CEP85L: variants seen among roughly 807,000 people sequenced by gnomAD.
The protein encoded by CEP85L is centrosomal protein 85L, also known as centrosomal protein of 85 kDa-like.
Under a neutral mutation model 100.3 loss-of-function variants are expected in CEP85L, and 60 were observed. The ratio of observed to expected loss-of-function variants is 0.60; its 90% CI spans 0.49 to 0.74. The LOEUF (loss-of-function observed/expected upper bound fraction) is 0.74, where lower values mean the gene tolerates loss of function less well. Ranked by LOEUF, CEP85L falls within the 30% of genes least tolerant of loss-of-function variation. The pLI is 0.00. For synonymous variants in CEP85L, 319 were observed against 322.7 expected, an observed-to-expected ratio of 0.99 and a Z score of 0.12; for missense variants, 973 against 936.2, an observed-to-expected ratio of 1.04 and a Z score of -0.51.
chr6:118,678,320 A>C (rs1277293060), intron 1 of CEP85L, among the ~76,000 whole-genome samples: 2 of 152,192 alleles, frequency 1.3e-5, no homozygotes, highest in African/African-American at 4.8e-5. Flanking sequence ...CATGCATTGG[A>C]TGCAAGATGT....
chr6:118,536,588 C>T (rs1045194615), intron 3 of CEP85L, among the ~76,000 whole-genome samples: 14 of 152,066 alleles, frequency 9.2e-5, no homozygotes, highest in African/African-American at 3.1e-4. Flanking sequence ...CCCAAAGATG[C>T]ACTATAGATG....
At position 118,519,617 on chromosome 6, in the gene CEP85L, AC is replaced by A. The variant is rs575101750; in HGVS notation, c.1139+4184del. ...GGGTGTGAAACTCCGTCTCAAAAAA[AC>A]AAGTTAGAAAAAGAAGAACAAATGA... On this transcript the variant is annotated intron_variant, in intron 4 of 12. Transcript: ENST00000368491. Among the ~76,000 whole-genome samples the A allele has an allele frequency of 4.7e-5, 7 of 149,784 alleles. No homozygotes were observed. In the East Asian group the frequency reaches 1.4e-3, roughly 30 times the overall value.
intron 1 of CEP85L, among the ~76,000 whole-genome samples, chr6:118,675,914 T>C (rs138124997): frequency 1.2e-3 from 178 of 152,298 alleles, no homozygotes; most frequent in African/African-American, 4.1e-3. Flanking sequence ...GGATCTAGAA[T>C]ATCTGATAAA....
intron 1 of CEP85L, among the ~76,000 whole-genome samples, chr6:118,688,164 G>A (rs60497831): frequency 0.36 from 54,910 of 151,918 alleles, 10,159 homozygotes; most frequent in Middle Eastern, 0.42. Context: ...ACCACACCCG[G>A]CTAATTTTTG....
intron 5 of CEP85L, among the ~76,000 whole-genome samples, chr6:118,497,194 G>A (rs1157116129): frequency 6.6e-6 from 1 of 152,200 alleles, no homozygotes; most frequent in African/African-American, 2.4e-5. Flanking sequence ...AAGTATGTTT[G>A]AGACAACTTC....
intron 2 of CEP85L, among the ~76,000 whole-genome samples, chr6:118,577,397 A>AT (rs1405304240): frequency 3.3e-5 from 5 of 152,200 alleles, no homozygotes; most frequent in African/African-American, 1.2e-4. Flanking sequence ...GTGAAAAAAG[A>AT]AGTACCCCCC....
rs1781036924 is a variant in CEP85L at position 118,589,179 on chromosome 6, G to A, written c.233-22863C>T. ...GCCAGATACTTATCTAATAAAGAGT[G>A]GGGAAAGCTGAAAAACTCAGAGAAA... On this transcript the variant is annotated intron_variant, in intron 2 of 12. Transcript: ENST00000368491. 1.6e-5 allele frequency: 4 copies of A among 245,792 alleles called. No individual in the cohort carries two copies. The South Asian group carries it at 2.6e-4, about 16-fold the overall frequency. The allele number at this position is 245,792 out of a possible 1,614,324, so 15.2% of individuals were successfully genotyped here.
chr6:118,637,487 C>T (rs1450177120), intron 1 of CEP85L, among the ~76,000 whole-genome samples: 2 of 148,926 alleles, frequency 1.3e-5, no homozygotes, highest in Non-Finnish European at 3.0e-5. Flanking sequence ...AGCTTGAGTT[C>T]AAGAGTTTAA....
intron 1 of CEP85L, among the ~76,000 whole-genome samples, chr6:118,648,599 G>A (rs951526624): frequency 6.6e-6 from 1 of 151,952 alleles, no homozygotes; most frequent in Admixed American, 6.6e-5. Flanking sequence ...AAAATAACCC[G>A]GGTGTGGTGG....
At position 118,651,162 on chromosome 6, in the gene CEP85L, C is replaced by T. The variant is rs960607853; in HGVS notation, c.73+35G>A. 2.6e-5 allele frequency: 39 copies of T among 1,483,898 alleles called. No individual in the cohort carries two copies. The African/African-American group carries it at 5.7e-4, about 22-fold the overall frequency. The allele number at this position is 1,483,898 out of a possible 1,614,324, so 91.9% of individuals were successfully genotyped here. A position where few individuals can be genotyped will look rare whatever the true frequency, so the allele number is the denominator to read the frequency against. On this transcript the variant is annotated intron_variant, in intron 1 of 12. Coordinates refer to ENST00000368491, the MANE Select transcript of CEP85L (RefSeq NM_001042475.3). ...CCGAGGCGCCGCGGTCGGCCGTGAC[C>T]CCCACCCCAGCCGGGGCGCTGTCCC...
chr6:118,649,864 A>C (rs955791734), intron 1 of CEP85L, among the ~76,000 whole-genome samples: 1 of 152,232 alleles, frequency 6.6e-6, no homozygotes, highest in African/African-American at 2.4e-5. Context: ...GACCAAACTT[A>C]AGTGAATGAT....
At position 118,511,291 on chromosome 6, in the gene CEP85L, A is replaced by G; in HGVS notation, c.1257+7T>C. 6.4e-7 allele frequency: 1 copy of G among 1,572,804 alleles called. No individual in the cohort carries two copies. Among genetic ancestry groups the G allele is most frequent in the Non-Finnish European group, 8.7e-7 (1 of 1,143,252 alleles). The stretch of plus-strand genomic sequence containing the variant: ...TAAAACAGCTACAAAATCCTCTGTA[A>G]TCTTACCTGCAAACTAGCCACATAA... On this transcript the variant is annotated splice_region_variant and intron_variant, in intron 5 of 12. Coordinates refer to ENST00000368491, the MANE Select transcript of CEP85L (RefSeq NM_001042475.3).
intron 1 of CEP85L, chr6:118,664,298 C>G (rs1217781450): frequency 6.6e-6 from 1 of 152,102 alleles, no homozygotes; most frequent in Non-Finnish European, 1.5e-5. Context: ...TAATAGCCAC[C>G]TATATTACAT....
chr6:118,674,578 A>G (rs1776422068), intron 1 of CEP85L, among the ~76,000 whole-genome samples: 1 of 152,130 alleles, frequency 6.6e-6, no homozygotes, highest in Non-Finnish European at 1.5e-5. Context: ...TTTGCAAATC[A>G]AATAACTGAT....
chr6:118,601,387 A>G (rs188574640), intron 2 of CEP85L, among the ~76,000 whole-genome samples: 3 of 152,326 alleles, frequency 2.0e-5, no homozygotes, highest in Admixed American at 1.3e-4. Context: ...AGACAGCATC[A>G]GCACCTCATT....
intron 1 of CEP85L, among the ~76,000 whole-genome samples, chr6:118,707,517 C>T (rs1278083984): frequency 6.6e-6 from 1 of 152,112 alleles, no homozygotes; most frequent in African/African-American, 2.4e-5. Context: ...TTTAGCTCCT[C>T]ATTCAATTCT....
intron 2 of CEP85L, among the ~76,000 whole-genome samples, chr6:118,567,845 G>A (rs189962372): frequency 7.7e-4 from 117 of 152,218 alleles, no homozygotes; most frequent in African/African-American, 2.7e-3. Context: ...GACATGAAAA[G>A]GGAAAAACAT....
intron 3 of CEP85L, among the ~76,000 whole-genome samples, chr6:118,552,691 T>C (rs1778622211): frequency 6.6e-6 from 1 of 151,990 alleles, no homozygotes; most frequent in Admixed American, 6.6e-5. Flanking sequence ...GTTACTTTTC[T>C]TGAGGAAAGG....
At chr6:118,592,984 T>C (rs530827605) in intron 2 of CEP85L, among the ~76,000 whole-genome samples, 4 of 152,086 alleles carry the variant, frequency 2.6e-5, no homozygotes, top group South Asian at 4.1e-4. Context: ...AAGAAAAAGA[T>C]AGTGAGAACA....
Sources: gnomAD v4.1 joint callset for allele counts (sites outside exome capture counted in the v4.1 genomes callset) on GRCh38, gnomAD v4.1.1 for gene constraint, MANE v1.5 for transcripts, NCBI Gene and HGNC (gene_info 2026-07-23, HGNC 2026-07-21) for gene names.